MTNR1A: variants seen among roughly 807,000 people sequenced by gnomAD.
MTNR1A encodes the protein melatonin receptor type 1A.
A neutral mutation model predicts 5.5 loss-of-function variants in MTNR1A; 7 were observed. The ratio of observed to expected loss-of-function variants is 1.28; its 90% confidence interval spans 0.73 to 2.40. MTNR1A has a LOEUF of 2.40. Ranked by LOEUF, MTNR1A falls within the 30% of genes most tolerant of loss-of-function variation. The pLI, the probability that MTNR1A is intolerant of heterozygous loss-of-function variation, is 0.00. For synonymous variants in MTNR1A, 196 were observed against 202.7 expected, an observed-to-expected ratio of 0.97 and a Z score of 0.28; for missense variants, 441 against 464.4, an observed-to-expected ratio of 0.95 and a Z score of 0.46.
In MTNR1A at chr4:186,540,214, C is replaced by T. The variant is rs527236445; in HGVS notation, c.185-5657G>A. ...TTACCTCCCACCAGGTCCCTGACAA[C>T]CCATGGTAATTCAAAATGAGATTTG... On this transcript the variant is annotated intron_variant, in intron 1 of 1. Coordinates refer to ENST00000307161, the MANE Select transcript of MTNR1A (RefSeq NM_005958.4). 3.9e-5 allele frequency among the ~76,000 whole-genome samples: 6 copies of T among 152,304 alleles called. No homozygotes were observed. In the South Asian group the frequency reaches 1.2e-3, roughly 32 times the overall value.
intron 1 of MTNR1A, among the ~76,000 whole-genome samples, chr4:186,539,176 C>T (rs2111371952): frequency 6.9e-6 from 1 of 145,898 alleles, no homozygotes; most frequent in East Asian, 2.1e-4. Flanking sequence ...GAGATCGTGC[C>T]ACTGCACTCC....
In MTNR1A at chr4:186,534,493, C is replaced by A; in HGVS notation, c.249G>T (p.Leu83Phe). 1.2e-6 allele frequency: 2 copies of A among 1,614,036 alleles called. No individual in the cohort carries two copies. Among genetic ancestry groups the A allele is most frequent in the Non-Finnish European group, 1.7e-6 (2 of 1,180,020 alleles). ...DLVVAIYPYP[L>F]VLMSIFNNGW... is the part of the protein sequence containing the mutation. ...CGTTGTTAAATATCGACATCAGCAC[C>A]AACGGGTACGGATAAATGGCCACCA... Residue 83 changes from leucine (L) to phenylalanine (F), a missense_variant, in exon 2 of 2, where the codon TTG becomes TTT. Coordinates refer to ENST00000307161, the MANE Select transcript of MTNR1A (RefSeq NM_005958.4).
intron 1 of MTNR1A, among the ~76,000 whole-genome samples, chr4:186,544,692 T>C (rs1737100639): frequency 2.0e-5 from 3 of 152,220 alleles, no homozygotes; most frequent in African/African-American, 7.2e-5. Context: ...ATCTGTGCAA[T>C]GATTAACCCT....
At chr4:186,545,171 AG>A (rs1483692310) in intron 1 of MTNR1A, among the ~76,000 whole-genome samples, 2 of 152,146 alleles carry the variant, frequency 1.3e-5, no homozygotes, top group African/African-American at 4.8e-5. Flanking sequence ...AACCTGAAAT[AG>A]ACCTTCAGCT....
chr4:186,541,687 G>T (rs982207829), intron 1 of MTNR1A, among the ~76,000 whole-genome samples: 8 of 152,146 alleles, frequency 5.3e-5, no homozygotes, highest in African/African-American at 1.9e-4. Context: ...ACCCTATCGT[G>T]AACTCCATGT....
At chr4:186,546,458 A>G (rs73024706) in intron 1 of MTNR1A, among the ~76,000 whole-genome samples, 1 of 151,976 alleles carries the variant, frequency 6.6e-6, no homozygotes, top group Non-Finnish European at 1.5e-5. Context: ...TCAGTGACAT[A>G]CTTGGTGACT....
rs1407996518 is a variant in MTNR1A, at chr4:186,553,818, A to G, written c.184+1364T>C. ...TGAGCCATCGCGCCCAGCCGTGAACACTTTTTAAAGGTTCTGCAGGATTCA... is the reference window on the plus strand; with the variant it reads ...TGAGCCATCGCGCCCAGCCGTGAACGCTTTTTAAAGGTTCTGCAGGATTCA... On this transcript the variant is annotated intron_variant, in intron 1 of 1. Coordinates refer to ENST00000307161, the MANE Select transcript of MTNR1A (RefSeq NM_005958.4). 2.6e-5 allele frequency among the ~76,000 whole-genome samples: 4 copies of G among 152,250 alleles called. No individual in the cohort carries two copies. In the South Asian group the frequency reaches 8.3e-4, roughly 32 times the overall value.
chr4:186,548,187 C>T (rs1737195676), intron 1 of MTNR1A, among the ~76,000 whole-genome samples: 1 of 152,084 alleles, frequency 6.6e-6, no homozygotes. Flanking sequence ...TTGAAGGACT[C>T]AGTGAAAACC....
intron 1 of MTNR1A, among the ~76,000 whole-genome samples, chr4:186,549,809 C>A (rs558726503): frequency 6.6e-6 from 1 of 152,136 alleles, no homozygotes. Flanking sequence ...ATTTACCAAC[C>A]ATTTACATTC....
At position 186,552,242 on chromosome 4, in the gene MTNR1A, A is replaced by G. The variant is rs554391375; in HGVS notation, c.184+2940T>C. On this transcript the variant is annotated intron_variant, in intron 1 of 1. Coordinates refer to ENST00000307161, the MANE Select transcript of MTNR1A (RefSeq NM_005958.4). ...TTGCTATTATGTGCTATTTCTTTAAATGTGTCAATCTTCCTCCTAATTTCC... is the reference window on the plus strand; with the variant it reads ...TTGCTATTATGTGCTATTTCTTTAAGTGTGTCAATCTTCCTCCTAATTTCC... 2.4e-4 allele frequency among the ~76,000 whole-genome samples: 37 copies of G among 152,290 alleles called. No individual in the cohort carries two copies. In the East Asian group the frequency reaches 7.0e-3, roughly 29 times the overall value.
intron 1 of MTNR1A, among the ~76,000 whole-genome samples, chr4:186,540,304 A>C (rs539166638): frequency 2.0e-5 from 3 of 152,344 alleles, no homozygotes; most frequent in African/African-American, 7.2e-5. Flanking sequence ...GACCCTGTGA[A>C]TATGTGAAGT....
At chr4:186,535,095 A>C (rs1736816547) in intron 1 of MTNR1A, among the ~76,000 whole-genome samples, 1 of 152,132 alleles carries the variant, frequency 6.6e-6, no homozygotes, top group African/African-American at 2.4e-5. Flanking sequence ...CTAACTGTCC[A>C]ACCGGGGCAA....
At position 186,543,071 on chromosome 4, in the gene MTNR1A, C is replaced by T. The variant is rs923262156; in HGVS notation, c.185-8514G>A. 9.9e-5 allele frequency among the ~76,000 whole-genome samples: 15 copies of T among 152,252 alleles called. No individual in the cohort carries two copies. In the East Asian group the frequency reaches 1.4e-3, roughly 14 times the overall value. On this transcript the variant is annotated intron_variant, in intron 1 of 1. Transcript: ENST00000307161. The stretch of plus-strand genomic sequence containing the variant: ...TGGCACCACTGAACTCCAGCTCAGG[C>T]GACAGAGCAAGATCCTGTCTCAAAG...
intron 1 of MTNR1A, among the ~76,000 whole-genome samples, chr4:186,549,281 C>A (rs1054551490): frequency 1.3e-5 from 2 of 152,164 alleles, no homozygotes; most frequent in African/African-American, 4.8e-5. Flanking sequence ...ACTGATTACA[C>A]ATTTTTATAA....
In MTNR1A at chr4:186,533,679, T is replaced by C. The variant is rs1736757488; in HGVS notation, c.*10A>G. The stretch of plus-strand genomic sequence containing the variant: ...CAGCGTGTCCATCTCACCCGGAACG[T>C]GGTGCTTTTTTAAACGGAGTCCACC... On this transcript the variant is annotated 3_prime_UTR_variant, in exon 2 of 2. Transcript: ENST00000307161. 1 of 1,613,636 alleles carries C rather than the reference T, an allele frequency of 6.2e-7. No individual in the cohort carries two copies.
At chr4:186,534,906 T>G (rs1286491823) in intron 1 of MTNR1A, among the ~76,000 whole-genome samples, 7 of 152,156 alleles carry the variant, frequency 4.6e-5, no homozygotes, top group African/African-American at 1.7e-4. Flanking sequence ...CTGAGAAATC[T>G]CATATGATGT....
At chr4:186,545,123 C>T (rs900057232) in intron 1 of MTNR1A, among the ~76,000 whole-genome samples, 2 of 152,264 alleles carry the variant, frequency 1.3e-5, no homozygotes, top group African/African-American at 2.4e-5. Context: ...CAGCAAAGCA[C>T]GAGTACCAAG....
intron 1 of MTNR1A, among the ~76,000 whole-genome samples, chr4:186,553,807 C>T (rs771866312): frequency 6.6e-6 from 1 of 152,218 alleles, no homozygotes; most frequent in Non-Finnish European, 1.5e-5. Context: ...CCATCGCGCC[C>T]AGCCGTGAAC....
Position 186,555,494 on chromosome 4 carries a change from C to G in MTNR1A, c.-129G>C, listed in dbSNP as rs1737352816. 2.8e-6 allele frequency: 2 copies of G among 714,814 alleles called. No homozygotes were observed. Among genetic ancestry groups the G allele is most frequent in the African/African-American group, 3.8e-5 (2 of 52,778 alleles). 44.3% of individuals were successfully genotyped at this position (714,814 alleles called of 1,614,324 possible). On this transcript the variant is annotated 5_prime_UTR_variant, in exon 1 of 2. Coordinates refer to ENST00000307161, the MANE Select transcript of MTNR1A (RefSeq NM_005958.4). This position sits in a 1 kb window ranked among gnomAD's most constrained non-coding sequence, Gnocchi z 4.1. Reference sequence around the variant, plus strand: ...CCGCGCGCTCCTCCACGCCGCGCCCCCGGACGCCCACGCCGCGCCGGACGC... The same window carrying G: ...CCGCGCGCTCCTCCACGCCGCGCCCGCGGACGCCCACGCCGCGCCGGACGC...
Sources: allele counts gnomAD v4.1 joint callset (sites outside exome capture counted in the v4.1 genomes callset), GRCh38; gene constraint gnomAD v4.1.1; non-coding constraint Gnocchi (gnomAD v3.1); transcripts MANE v1.5; gene names NCBI Gene and HGNC (gene_info 2026-07-23, HGNC 2026-07-21).